The following MTREX variants were observed in gnomAD, a reference collection of about 807,000 sequenced individuals.
The protein encoded by MTREX is exosome RNA helicase MTR4.
A neutral mutation model predicts 135.4 loss-of-function variants in MTREX; 76 were observed. The ratio of observed to expected loss-of-function variants is 0.56; its 90% CI spans 0.47 to 0.68. The LOEUF is 0.68. Among genes scored for constraint, MTREX ranks in the 30% least tolerant of loss-of-function variants. MTREX has a pLI of 0.00. For synonymous variants in MTREX, 404 were observed against 401.6 expected, an observed-to-expected ratio of 1.01 and a Z score of -0.07; for missense variants, 920 against 1,262.1, an observed-to-expected ratio of 0.73 and a Z score of 4.11.
In MTREX at chr5:55,328,757, A is replaced by G. The variant is rs1749421968; in HGVS notation, c.461A>G (p.Asn154Ser). ...GAGGCCATTCAGTGTGTTGACAATA[A>G]TCAGTCTGTTCTAGTATCTGCACAT... The part of the protein sequence containing the change: ...QREAIQCVDN[N>S]QSVLVSAHTS... Residue 154 changes from asparagine (N) to serine (S), a missense_variant, in exon 5 of 27, where the codon AAT (asparagine) becomes AGT (serine). Physicochemically the swap from Asn to Ser is conservative, Grantham distance 46 (BLOSUM62 1). Transcript: ENST00000230640. The G allele has an allele frequency of 1.2e-6, 2 of 1,613,660 alleles. No homozygotes were observed. Among genetic ancestry groups the G allele is most frequent in the Non-Finnish European group, 1.7e-6 (2 of 1,179,692 alleles).
At chr5:55,367,234 C>G (rs1287399447) in intron 16 of MTREX, among the ~76,000 whole-genome samples, 1 of 152,092 alleles carries the variant, frequency 6.6e-6, no homozygotes, top group African/African-American at 2.4e-5. Context: ...TGCCTGTAAT[C>G]CTAGCACTTT....
intron 2 of MTREX, among the ~76,000 whole-genome samples, chr5:55,323,310 GATA>G (rs1184762431): frequency 6.6e-6 from 1 of 152,150 alleles, no homozygotes; most frequent in African/African-American, 2.4e-5. Context: ...CGATAAGTAA[GATA>G]ATAATCTAGC....
chr5:55,403,164 G>A (rs530286533), intron 21 of MTREX, among the ~76,000 whole-genome samples: 2 of 151,916 alleles, frequency 1.3e-5, no homozygotes, highest in South Asian at 2.1e-4. Flanking sequence ...TTGCACGACT[G>A]TACTCCAGCC....
rs561744026 is a variant in MTREX at position 55,380,961 on chromosome 5, C to T, written c.2052+1766C>T. Among the ~76,000 whole-genome samples the T allele has an allele frequency of 4.6e-5, 7 of 152,272 alleles. No individual in the cohort carries two copies. In the South Asian group the frequency reaches 6.2e-4, roughly 14 times the overall value. ...GTAGAACTTGGCAATGAGGCCACTT[C>T]GGCCTGTGCTCTTCTTTATGGGTAC... is the stretch of plus-strand genomic sequence containing the variant. On this transcript the variant is annotated intron_variant, in intron 18 of 26. Transcript: ENST00000230640.
chr5:55,394,005 C>A (rs886521184), intron 19 of MTREX, among the ~76,000 whole-genome samples: 24 of 152,076 alleles, frequency 1.6e-4, no homozygotes, highest in African/African-American at 5.3e-4. Flanking sequence ...TGTTAGTTGA[C>A]CATTTCTTGG....
intron 16 of MTREX, among the ~76,000 whole-genome samples, chr5:55,372,593 G>A (rs1479638754): frequency 6.6e-6 from 1 of 152,110 alleles, no homozygotes; most frequent in Non-Finnish European, 1.5e-5. Flanking sequence ...GTTTGATAAA[G>A]ATCAGTGGAG....
At chr5:55,329,993 A>G (rs775222226) in intron 5 of MTREX, among the ~76,000 whole-genome samples, 49 of 151,902 alleles carry the variant, frequency 3.2e-4, no homozygotes, top group Non-Finnish European at 5.0e-4. Context: ...TTTGTGGGTC[A>G]TTTCTAATGC....
intron 1 of MTREX, 54 bp from the exon 2 acceptor site, chr5:55,322,273 C>T: frequency 1.4e-6 from 2 of 1,480,238 alleles, no homozygotes; most frequent in South Asian, 2.7e-5. Context: ...ATGATGTTGC[C>T]CTTAAAGTAA....
At chr5:55,391,091 T>C (rs1198148856) in intron 19 of MTREX, among the ~76,000 whole-genome samples, 1 of 152,266 alleles carries the variant, frequency 6.6e-6, no homozygotes, top group East Asian at 1.9e-4. Context: ...TTAAATAATG[T>C]AGTGAGATGG....
At chr5:55,325,328 GGTTTTTTTTT>G (rs1749359264) in intron 3 of MTREX, among the ~76,000 whole-genome samples, 2 of 143,512 alleles carry the variant, frequency 1.4e-5, no homozygotes, top group South Asian at 4.4e-4. Flanking sequence ...TTTTTGGGGG[GGTTTTTTTTT>G]GTTTTTTTTT....
intron 21 of MTREX, among the ~76,000 whole-genome samples, chr5:55,402,848 A>G (rs13187437): frequency 5.1e-4 from 23 of 44,948 alleles, no homozygotes; most frequent in African/African-American, 1.3e-3. Flanking sequence ...GTGTATGTGT[A>G]TGTATGTGTG....
In MTREX at chr5:55,410,033, A is replaced by G. The variant is rs147901215; in HGVS notation, c.2646-491A>G. Among the ~76,000 whole-genome samples, 158 of 152,308 alleles carry G rather than the reference A, an allele frequency of 1.0e-3. 2 individuals are homozygous for G. The East Asian group carries it at 0.027, about 26-fold the overall frequency. ...AGTTCTAGACCAGCCTGGACAACATAGCAAGACCCCATCTCTACTATAATA... is the reference window on the plus strand; with the variant it reads ...AGTTCTAGACCAGCCTGGACAACATGGCAAGACCCCATCTCTACTATAATA... On this transcript the variant is annotated intron_variant, in intron 22 of 26. Transcript: ENST00000230640.
In MTREX at chr5:55,414,244, G is replaced by GTTTTTTTT; in HGVS notation, c.2808+17_2808+24dup. The GTTTTTTTT allele has an allele frequency of 7.5e-7, 1 of 1,336,860 alleles. No homozygotes were observed. The highest frequency in any genetic ancestry group is 9.9e-7 in the Non-Finnish European group (1 of 1,008,888). 82.8% of individuals were successfully genotyped at this position (1,336,860 alleles called of 1,614,324 possible). On this transcript the variant is annotated splice_region_variant and intron_variant, in intron 24 of 26. Coordinates refer to ENST00000230640, the MANE Select transcript of MTREX (RefSeq NM_015360.5). ...GACCACTTCGTCAAATGCAGGTAAG[G>GTTTTTTTT]TTTTTTTTTTTTTTTTTTGAACTAC...
rs555313567 is a variant in MTREX, at chr5:55,403,558, C to A, written c.2482-1867C>A. ...AAAAATGTCTTAAATATTGGACTCT[C>A]TTCTACCTTCTAAGCTTTATAAGCC... On this transcript the variant is annotated intron_variant, in intron 21 of 26. Transcript: ENST00000230640. Among the ~76,000 whole-genome samples the A allele has an allele frequency of 1.9e-3, 284 of 152,330 alleles. 1 individual carries two copies. Among genetic ancestry groups the A allele is most frequent in the Non-Finnish European group, 1.5e-3 (103 of 68,034 alleles).
At chr5:55,354,212 T>C (rs937034923) in intron 14 of MTREX, among the ~76,000 whole-genome samples, 1 of 152,208 alleles carries the variant, frequency 6.6e-6, no homozygotes, top group African/African-American at 2.4e-5. Context: ...TAAAATGTTA[T>C]GCTGTAAACA....
intron 5 of MTREX, 101 bp from the exon 6 acceptor site, chr5:55,339,909 A>T (rs932354163): frequency 3.8e-6 from 3 of 790,400 alleles, no homozygotes; most frequent in South Asian, 3.0e-5. Flanking sequence ...ATTCAAGATA[A>T]ATAATTAGGG....
chr5:55,309,745 A>T (rs939333230), intron 1 of MTREX, among the ~76,000 whole-genome samples: 4 of 152,144 alleles, frequency 2.6e-5, no homozygotes, highest in Non-Finnish European at 1.5e-5. Context: ...ATATATTTGA[A>T]TATCATTTGA....
chr5:55,373,253 T>C (rs1391418204), intron 16 of MTREX, among the ~76,000 whole-genome samples: 1 of 151,630 alleles, frequency 6.6e-6, no homozygotes, highest in Non-Finnish European at 1.5e-5. Flanking sequence ...AGAAATGTTA[T>C]ATAGAGAGAC....
intron 11 of MTREX, 41 bp from the exon 12 acceptor site, chr5:55,349,528 CACTA>C: frequency 9.9e-7 from 1 of 1,013,750 alleles, no homozygotes; most frequent in South Asian, 1.3e-5. Context: ...AGTTTGGTAT[CACTA>C]ACTCATTTTG....
Sources: gnomAD v4.1 joint callset for allele counts (sites outside exome capture counted in the v4.1 genomes callset) on GRCh38, gnomAD v4.1.1 for gene constraint, MANE v1.5 for transcripts, NCBI Gene and HGNC (gene_info 2026-07-23, HGNC 2026-07-21) for gene names.